GTF2H2: variants seen among roughly 807,000 people sequenced by gnomAD.
GTF2H2 encodes the protein TFIIH basal transcription factor complex p44 subunit.
Under a neutral mutation model 16.5 loss-of-function variants are expected in GTF2H2, and 2 were observed. The ratio of observed to expected loss-of-function variants is 0.12; its 90% CI spans 0.05 to 0.38. GTF2H2 has a LOEUF of 0.38. GTF2H2 is among the 10% of genes least tolerant of loss of function. The pLI, the probability that GTF2H2 is intolerant of heterozygous loss-of-function variation, is 0.99. For missense variants in GTF2H2, 20 were observed against 137.0 expected, an observed-to-expected ratio of 0.15 and a Z score of 4.26; for synonymous variants, 8 against 44.1, an observed-to-expected ratio of 0.18 and a Z score of 3.24.
chr5:71,057,375 G>C (rs182516798), intron 7 of GTF2H2, among the ~76,000 whole-genome samples: 3 of 142,720 alleles, frequency 2.1e-5, no homozygotes, highest in Non-Finnish European at 3.1e-5. Flanking sequence ...AAAATGTTAT[G>C]TAATTGGGTG....
intron 14 of GTF2H2, among the ~76,000 whole-genome samples, chr5:71,039,719 A>AT (rs1751968712): frequency 8.0e-6 from 1 of 125,156 alleles, no homozygotes; most frequent in Non-Finnish European, 1.7e-5. Flanking sequence ...TGGGTTTTTC[A>AT]TTTTTACTAC....
At chr5:71,061,180 T>G in intron 4 of GTF2H2, 92 bp downstream of exon 4, 1 of 319,670 alleles carries the variant, frequency 3.1e-6, no homozygotes, top group Non-Finnish European at 5.7e-6. Flanking sequence ...TTTAAAAACT[T>G]TGTTGTTTTG....
chr5:71,056,769 ACTC>A (rs1352643981), intron 7 of GTF2H2, among the ~76,000 whole-genome samples: 3 of 126,856 alleles, frequency 2.4e-5, no homozygotes, highest in African/African-American at 9.4e-5. Context: ...CTAGTCCTGA[ACTC>A]CTGGATTCAA....
rs1392466712 is a variant in GTF2H2 at position 71,048,995 on chromosome 5, C to CAT, written c.561+71_561+72dup. Reference sequence around the variant, plus strand: ...AAGATGAATCACACATACAAAAATACATATATATATAAATCAATTTGCTAC... The same window carrying CAT: ...AAGATGAATCACACATACAAAAATACATATATATATATAAATCAATTTGCTAC... On this transcript the variant is annotated intron_variant, in intron 9 of 15. Coordinates refer to ENST00000274400, the Ensembl canonical transcript of GTF2H2. 2.0e-4 allele frequency: 118 copies of CAT among 586,708 alleles called. 1 individual carries two copies. Among genetic ancestry groups the CAT allele is most frequent in the Middle Eastern group, 5.2e-4 (1 of 1,940 alleles). The allele number at this position is 586,708 out of a possible 1,614,324, so 36.3% of individuals were successfully genotyped here. A position where few individuals can be genotyped will look rare whatever the true frequency, so the allele number is the denominator to read the frequency against.
Position 71,055,334 on chromosome 5 carries a change from A to G in GTF2H2, c.470+18T>C. 3 of 1,560,874 alleles carry G rather than the reference A, an allele frequency of 1.9e-6. No individual in the cohort carries two copies. Among genetic ancestry groups the G allele is most frequent in the South Asian group, 2.3e-5 (2 of 87,496 alleles). On this transcript the variant is annotated intron_variant, in intron 8 of 15. Transcript: ENST00000274400. ...TAAAAAACTTCTAATTCAATTATAC[A>G]TAATGTATAATACTAACTTTAGAGT...
At chr5:71,059,327 T>A (rs1435629158) in intron 7 of GTF2H2, 1 of 62,874 alleles carries the variant, frequency 1.6e-5, no homozygotes, top group Non-Finnish European at 3.5e-5. Flanking sequence ...GAGGCGGACT[T>A]TGCAGTGATC....
In GTF2H2 at chr5:71,037,788, A is replaced by G. The variant is rs1197719078; in HGVS notation, c.1029-242T>C. Among the ~76,000 whole-genome samples the G allele has an allele frequency of 5.7e-5, 4 of 70,410 alleles. 1 individual carries two copies. In the East Asian group the frequency reaches 3.2e-3, roughly 56 times the overall value. 46.2% of individuals were successfully genotyped at this position (70,410 alleles called of 152,430 possible). On this transcript the variant is annotated intron_variant, in intron 14 of 15. Coordinates refer to ENST00000274400, the Ensembl canonical transcript of GTF2H2. ...GGAGTTCGTGACCAGCCTGGCCAAC[A>G]TGGCGAAACCCCATCTCTACTAAAA...
intron 12 of GTF2H2, among the ~76,000 whole-genome samples, chr5:71,044,120 A>T (rs1283438822): frequency 7.5e-6 from 1 of 133,736 alleles, no homozygotes; most frequent in Non-Finnish European, 1.6e-5. Flanking sequence ...AGTTCTTGTG[A>T]TAGAATTAAT....
chr5:71,040,714 CTT>C (rs1178453826), intron 14 of GTF2H2, among the ~76,000 whole-genome samples: 1 of 19,216 alleles, frequency 5.2e-5, no homozygotes, highest in Non-Finnish European at 8.4e-5. Flanking sequence ...AAGTTTCGCT[CTT>C]GTTACCCAGG....
At chr5:71,046,611 T>C (rs1326465835) in intron 11 of GTF2H2, among the ~76,000 whole-genome samples, 2 of 138,058 alleles carry the variant, frequency 1.4e-5, no homozygotes, top group East Asian at 4.4e-4. Context: ...TCAATATAAA[T>C]GTAATAAATT....
At chr5:71,054,418 G>T (rs1044805448) in intron 8 of GTF2H2, among the ~76,000 whole-genome samples, 1 of 145,770 alleles carries the variant, frequency 6.9e-6, no homozygotes, top group African/African-American at 2.6e-5. Context: ...TCTGAGCCAG[G>T]GCGGACTATC....
At chr5:71,054,524 A>G (rs1242795521) in intron 8 of GTF2H2, among the ~76,000 whole-genome samples, 1 of 144,350 alleles carries the variant, frequency 6.9e-6, no homozygotes, top group Non-Finnish European at 1.5e-5. Flanking sequence ...GTGAAACCCC[A>G]TCTGTACTAA....
intron 8 of GTF2H2, among the ~76,000 whole-genome samples, chr5:71,052,961 G>T (rs1336031252): frequency 1.2e-5 from 1 of 80,866 alleles, no homozygotes; most frequent in African/African-American, 5.6e-5. Flanking sequence ...AGAGGTGGAG[G>T]TCTTGCTATG....
intron 8 of GTF2H2, among the ~76,000 whole-genome samples, chr5:71,052,895 C>T (rs1259322784): frequency 2.5e-5 from 2 of 81,056 alleles, no homozygotes; most frequent in Non-Finnish European, 4.6e-5. Flanking sequence ...CATACAGGTG[C>T]TCGCCACTGT....
intron 14 of GTF2H2, among the ~76,000 whole-genome samples, chr5:71,039,735 A>T (rs1182525531): frequency 1.8e-5 from 2 of 113,724 alleles, no homozygotes; most frequent in African/African-American, 7.1e-5. Flanking sequence ...ACTACATTTA[A>T]CCTCAACCAT....
intron 8 of GTF2H2, among the ~76,000 whole-genome samples, chr5:71,052,826 C>T (rs1381288574): frequency 5.6e-5 from 4 of 70,822 alleles, no homozygotes. Flanking sequence ...TAGCTCACTG[C>T]AGCCTCAAAC....
rs765886196 is a variant in GTF2H2 at position 71,054,751 on chromosome 5, GTATA to G, written c.470+597_470+600del. On this transcript the variant is annotated intron_variant, in intron 8 of 15. Coordinates refer to ENST00000274400, the Ensembl canonical transcript of GTF2H2. ...TGTGTGTGTGTGTGTGTGTGTGTGT[GTATA>G]TATATAATAGATATATAAGCTTTAA... Among the ~76,000 whole-genome samples, 297 of 126,954 alleles carry G rather than the reference GTATA, an allele frequency of 2.3e-3. 12 individuals carry two copies. The highest frequency in any genetic ancestry group is 4.1e-3 in the Admixed American group (46 of 11,204). 83.3% of individuals were successfully genotyped at this position (126,954 alleles called of 152,430 possible). A position where few individuals can be genotyped will look rare whatever the true frequency, so the allele number is the denominator to read the frequency against.
intron 8 of GTF2H2, among the ~76,000 whole-genome samples, chr5:71,054,514 G>A (rs866608839): frequency 9.0e-5 from 13 of 144,280 alleles, no homozygotes; most frequent in Middle Eastern, 3.4e-3. Flanking sequence ...GGCTAACATG[G>A]TGAAACCCCA....
intron 13 of GTF2H2, 146 bp downstream of exon 13, chr5:71,042,035 A>G (rs1580963334): frequency 1.1e-5 from 1 of 90,898 alleles, no homozygotes; most frequent in Middle Eastern, 2.8e-3. Context: ...AGTACTGGGC[A>G]CTCAATTTAA....
Sources: allele counts gnomAD v4.1 joint callset (sites outside exome capture counted in the v4.1 genomes callset), GRCh38; gene constraint gnomAD v4.1.1; transcripts MANE v1.5; gene names NCBI Gene and HGNC (gene_info 2026-07-23, HGNC 2026-07-21).